XIRP2: variants seen among roughly 807,000 people sequenced by gnomAD.
XIRP2 encodes xin actin-binding repeat-containing protein 2.
In XIRP2, 236 loss-of-function variants were observed where a neutral mutation model predicts 277.0. That is an observed-to-expected ratio of 0.85 (90% confidence interval 0.77 to 0.95). XIRP2 has a LOEUF of 0.95. Ranked by LOEUF, XIRP2 falls within the 40% of genes least tolerant of loss-of-function variation. The pLI is 0.00. For synonymous variants in XIRP2, 1,490 were observed against 1,416.5 expected, an observed-to-expected ratio of 1.05 and a Z score of -1.17; for missense variants, 4,640 against 4,157.5, an observed-to-expected ratio of 1.12 and a Z score of -3.19.
chr2:167,258,279 A>C lies in XIRP2; in HGVS notation c.*462A>C, dbSNP rs780853921. On this transcript the variant is annotated 3_prime_UTR_variant, in exon 11 of 11. Coordinates refer to ENST00000409195, the MANE Select transcript of XIRP2 (RefSeq NM_152381.6). Reference sequence around the variant, plus strand: ...CTGCTATCCCCTGAATTTAAAAGTGAATCTCTGCTAGAAGATGTTAGAACT... The same window carrying C: ...CTGCTATCCCCTGAATTTAAAAGTGCATCTCTGCTAGAAGATGTTAGAACT... 1 of 1,613,396 alleles carries C rather than the reference A, an allele frequency of 6.2e-7. No homozygotes were observed. The highest frequency in any genetic ancestry group is 8.5e-7 in the Non-Finnish European group (1 of 1,179,660).
chr2:167,221,874 A>T (rs1694444441), intron 5 of XIRP2, among the ~76,000 whole-genome samples: 1 of 152,202 alleles, frequency 6.6e-6, no homozygotes. Flanking sequence ...TAGAGTTAAA[A>T]GAAAGAACAT....
intron 2 of XIRP2, among the ~76,000 whole-genome samples, chr2:167,128,735 C>T (rs1186650017): frequency 7.4e-6 from 1 of 135,280 alleles, no homozygotes; most frequent in Non-Finnish European, 1.5e-5. Flanking sequence ...CCACATCTCC[C>T]CAGAATCCTC....
chr2:166,915,160 G>T lies in XIRP2; in HGVS notation c.408+11270G>T, dbSNP rs113751796. Among the ~76,000 whole-genome samples the T allele has an allele frequency of 2.2e-3, 335 of 151,608 alleles. 3 individuals carry two copies. Among genetic ancestry groups the T allele is most frequent in the African/African-American group, 7.2e-3 (298 of 41,356 alleles). ...AAAATACAAAAAAAAAATTAGCCAG[G>T]TGTGGTGGTGGGCGCCTGTGGTCCC... On this transcript the variant is annotated intron_variant, in intron 2 of 10. Coordinates refer to ENST00000409195, the MANE Select transcript of XIRP2 (RefSeq NM_152381.6).
chr2:167,145,602 AGAAAT>A (rs1691842568), intron 3 of XIRP2, among the ~76,000 whole-genome samples: 1 of 152,232 alleles, frequency 6.6e-6, no homozygotes, highest in South Asian at 2.1e-4. Flanking sequence ...TTTCCAAAAA[AGAAAT>A]GAATGTCAAA....
chr2:167,063,128 A>G (rs1689213559), intron 2 of XIRP2, among the ~76,000 whole-genome samples: 1 of 151,834 alleles, frequency 6.6e-6, no homozygotes, highest in Non-Finnish European at 1.5e-5. Flanking sequence ...TTAAACTATT[A>G]TTTTTATTTT....
intron 2 of XIRP2, among the ~76,000 whole-genome samples, chr2:166,988,488 C>A (rs374619695): frequency 7.4e-6 from 1 of 134,264 alleles, no homozygotes; most frequent in Non-Finnish European, 1.6e-5. Context: ...GGAACAGCTC[C>A]GGTCTACAGC....
At chr2:167,224,834 T>C (rs1009197116) in intron 5 of XIRP2, among the ~76,000 whole-genome samples, 1 of 152,138 alleles carries the variant, frequency 6.6e-6, no homozygotes, top group African/African-American at 2.4e-5. Context: ...TCATGTTCTG[T>C]GCCTCACACC....
Position 167,246,771 on chromosome 2 carries a change from G to GAA in XIRP2, c.5382_5383dup (p.Arg1795LysfsTer28). ...TTGAAGGTACAAAACTGTTACTGAA[G>GAA]AAAAGGCAGTCTCTGGTTGAACGTA... On this transcript the variant is annotated frameshift_variant, in exon 9 of 11. Transcript: ENST00000409195. LOFTEE classifies it high-confidence loss of function. 2 of 1,613,674 alleles carry GAA rather than the reference G, an allele frequency of 1.2e-6. No homozygotes were observed. The highest frequency in any genetic ancestry group is 1.7e-6 in the Non-Finnish European group (2 of 1,179,782).
chr2:167,217,648 G>T (rs1694295509), intron 4 of XIRP2, among the ~76,000 whole-genome samples: 1 of 152,108 alleles, frequency 6.6e-6, no homozygotes, highest in African/African-American at 2.4e-5. Context: ...CACATAAGTA[G>T]TCTCATTATT....
Position 167,097,667 on chromosome 2 carries a change from G to T in XIRP2, c.409-38242G>T, listed in dbSNP as rs540761871. Among the ~76,000 whole-genome samples, 20 of 152,228 alleles carry T rather than the reference G, an allele frequency of 1.3e-4. No homozygotes were observed. The South Asian group carries it at 4.2e-3, about 32-fold the overall frequency. On this transcript the variant is annotated intron_variant, in intron 2 of 10. Transcript: ENST00000409195. ...ATAGTGTCAGTGGTCTTTACATTTGGTTTGTTTTTGCTATGGTTGGTACCA... is the reference window on the plus strand; with the variant it reads ...ATAGTGTCAGTGGTCTTTACATTTGTTTTGTTTTTGCTATGGTTGGTACCA...
intron 2 of XIRP2, among the ~76,000 whole-genome samples, chr2:166,916,570 T>C (rs1397812224): frequency 6.6e-6 from 1 of 152,046 alleles, no homozygotes; most frequent in East Asian, 1.9e-4. Flanking sequence ...AAATAAAAAA[T>C]AAGGATTATT....
chr2:166,946,652 TGATA>T (rs987860333), intron 2 of XIRP2, among the ~76,000 whole-genome samples: 25 of 152,200 alleles, frequency 1.6e-4, no homozygotes, highest in African/African-American at 3.9e-4. Context: ...GAATGATAGA[TGATA>T]GATAGATAGA....
At position 167,249,671 on chromosome 2, in the gene XIRP2, G is replaced by A. The variant is rs1695406957; in HGVS notation, c.8279G>A (p.Cys2760Tyr). 1 of 1,613,416 alleles carries A rather than the reference G, an allele frequency of 6.2e-7. No homozygotes were observed. The highest frequency in any genetic ancestry group is 8.5e-7 in the Non-Finnish European group (1 of 1,179,796). Residue 2760 changes from cysteine to tyrosine, a missense_variant, in exon 9 of 11, where the codon TGT (cysteine) becomes TAT (tyrosine). Physicochemically the swap from Cys to Tyr is radical, Grantham distance 194. Coordinates refer to ENST00000409195, the MANE Select transcript of XIRP2 (RefSeq NM_152381.6). ...AAGAAAACTGAAGCAAGCACTGAATGTAGTCATAAGCAATCTCTGGCTGAA... is the reference window on the plus strand; with the variant it reads ...AAGAAAACTGAAGCAAGCACTGAATATAGTCATAAGCAATCTCTGGCTGAA... ...KTKKTEASTE[C>Y]SHKQSLAERH...
intron 4 of XIRP2, among the ~76,000 whole-genome samples, chr2:167,213,192 C>T (rs1460443539): frequency 1.3e-5 from 2 of 152,110 alleles, no homozygotes; most frequent in African/African-American, 2.4e-5. Flanking sequence ...GGAGAAGTAA[C>T]ACTTGTTGAG....
intron 2 of XIRP2, among the ~76,000 whole-genome samples, chr2:166,950,661 A>G (rs1686002198): frequency 6.6e-6 from 1 of 152,084 alleles, no homozygotes; most frequent in African/African-American, 2.4e-5. Context: ...ACTGAATTTC[A>G]TAAATTAAAA....
At chr2:166,922,820 C>CTTT (rs201750485) in intron 2 of XIRP2, among the ~76,000 whole-genome samples, 1 of 138,380 alleles carries the variant, frequency 7.2e-6, no homozygotes, top group South Asian at 2.3e-4. Context: ...TCTTTCCTTC[C>CTTT]TTTTTTTTTT....
rs1695493507 is a variant in XIRP2 at position 167,251,292 on chromosome 2, A to C, written c.9900A>C (p.Ala3300=). 2.5e-6 allele frequency: 4 copies of C among 1,613,506 alleles called. No homozygotes were observed. Among genetic ancestry groups the C allele is most frequent in the Non-Finnish European group, 3.4e-6 (4 of 1,179,704 alleles). ...CAGTTGAAATCATCCGCAAGGTTGC[A>C]GTGCCTCCTCGCCTGTCAGAGCACA... The part of the protein sequence containing the change: ...YDAVEIIRKV[A]VPPRLSEHTQ... Residue 3300 remains alanine (A), a synonymous_variant, in exon 9 of 11, where the codon GCA becomes GCC. Transcript: ENST00000409195.
At chr2:166,923,626 T>C (rs1470805228) in intron 2 of XIRP2, among the ~76,000 whole-genome samples, 2 of 151,974 alleles carry the variant, frequency 1.3e-5, no homozygotes, top group African/African-American at 4.8e-5. Flanking sequence ...AAAATCAAAC[T>C]CCCTCCAAAG....
intron 2 of XIRP2, among the ~76,000 whole-genome samples, chr2:167,046,158 C>T (rs141702849): frequency 2.0e-5 from 3 of 152,078 alleles, no homozygotes; most frequent in African/African-American, 7.2e-5. Flanking sequence ...TAGCTGTCAG[C>T]TTGGACATTA....
Sources: allele counts gnomAD v4.1 joint callset (sites outside exome capture counted in the v4.1 genomes callset), GRCh38; gene constraint gnomAD v4.1.1; transcripts MANE v1.5; gene names NCBI Gene and HGNC (gene_info 2026-07-23, HGNC 2026-07-21).